GRTP1: variants seen among roughly 807,000 people sequenced by gnomAD.
GRTP1 encodes growth hormone regulated TBC protein 1.
Under a neutral mutation model 38.1 loss-of-function variants are expected in GRTP1, and 56 were observed. That is an observed-to-expected ratio of 1.47 (90% CI 1.19 to 1.84). The LOEUF is 1.84. Among genes scored for constraint, GRTP1 ranks in the 40% most tolerant of loss-of-function variants. GRTP1 has a pLI of 0.00. For missense variants in GRTP1, 506 were observed against 453.9 expected, an observed-to-expected ratio of 1.11 and a Z score of -1.04; for synonymous variants, 217 against 189.5, an observed-to-expected ratio of 1.14 and a Z score of -1.19.
chr13:113,333,844 T>TTTA (rs1566418680), intron 5 of GRTP1, among the ~76,000 whole-genome samples: 57 of 110,960 alleles, frequency 5.1e-4, no homozygotes, highest in African/African-American at 1.6e-3. Flanking sequence ...ATTTAGTGTG[T>TTTA]GTGTGTGTGT....
chr13:113,344,477 G>A (rs1304527003), intron 5 of GRTP1, among the ~76,000 whole-genome samples: 2 of 152,174 alleles, frequency 1.3e-5, no homozygotes, highest in Non-Finnish European at 2.9e-5. Flanking sequence ...ACTTTGGGAG[G>A]CCAAGGCGGG....
At chr13:113,351,528 C>T (rs1419076581) in intron 3 of GRTP1, 1 of 157,452 alleles carries the variant, frequency 6.4e-6, no homozygotes, top group African/African-American at 2.4e-5. Flanking sequence ...AGGAGGCATC[C>T]CTGCCGGCCT....
At chr13:113,355,072 C>T in intron 3 of GRTP1, 1 of 421,158 alleles carries the variant, frequency 2.4e-6, no homozygotes. Flanking sequence ...CTTCATGGAG[C>T]GCATCTGCTC....
chr13:113,362,114 A>C (rs1691774503), intron 2 of GRTP1, among the ~76,000 whole-genome samples: 1 of 152,154 alleles, frequency 6.6e-6, no homozygotes, highest in African/African-American at 2.4e-5. Flanking sequence ...ATGCCACTGC[A>C]CTCTAGCCTG....
intron 5 of GRTP1, among the ~76,000 whole-genome samples, chr13:113,344,103 C>T (rs749076960): frequency 6.6e-6 from 1 of 152,206 alleles, no homozygotes; most frequent in Non-Finnish European, 1.5e-5. Context: ...ACTTAAAAAG[C>T]AACCATGGAT....
At position 113,324,351 on chromosome 13, in the gene GRTP1, A is replaced by T. The variant is rs1037434070; in HGVS notation, c.*137T>A. The T allele has an allele frequency of 2.6e-5, 33 of 1,280,294 alleles. No individual in the cohort carries two copies. Among genetic ancestry groups the T allele is most frequent in the Non-Finnish European group, 3.1e-5 (31 of 994,282 alleles). The allele number at this position is 1,280,294 out of a possible 1,614,324, so 79.3% of individuals were successfully genotyped here. On this transcript the variant is annotated 3_prime_UTR_variant, in exon 8 of 8. Coordinates refer to ENST00000375431, the MANE Select transcript of GRTP1 (RefSeq NM_024719.4). ...TGACCTGATTTTAAACTGCTCTTTT[A>T]AAAAATTCACAACTAAAGTGTAGTG...
In GRTP1 at chr13:113,341,864, G is replaced by C. The variant is rs544017307; in HGVS notation, c.562+2999C>G. Among the ~76,000 whole-genome samples the C allele has an allele frequency of 2.6e-5, 4 of 152,238 alleles. No individual in the cohort carries two copies. In the South Asian group the frequency reaches 6.2e-4, roughly 24 times the overall value. On this transcript the variant is annotated intron_variant, in intron 5 of 7. Coordinates refer to ENST00000375431, the MANE Select transcript of GRTP1 (RefSeq NM_024719.4). ...GGAGGGGTCTCACTTTATTGCCCAG[G>C]CTGGTCTCGAACTTCTGGGCTCAAG...
chr13:113,335,074 A>G lies in GRTP1; in HGVS notation c.563-8983T>C, dbSNP rs368400919. On this transcript the variant is annotated intron_variant, in intron 5 of 7. Coordinates refer to ENST00000375431, the MANE Select transcript of GRTP1 (RefSeq NM_024719.4). ...CCTGACCTCGCGATCCGCCTGCCTC[A>G]GCCTCCCAGAGTGCTGGGATTACAG... is the stretch of plus-strand genomic sequence containing the variant. 5.8e-5 allele frequency among the ~76,000 whole-genome samples: 8 copies of G among 138,672 alleles called. No homozygotes were observed. In the East Asian group the frequency reaches 1.3e-3, roughly 23 times the overall value. The allele number at this position is 138,672 out of a possible 152,430, so 91.0% of individuals were successfully genotyped here. A position where few individuals can be genotyped will look rare whatever the true frequency, so the allele number is the denominator to read the frequency against.
At chr13:113,344,327 C>T (rs567219978) in intron 5 of GRTP1, among the ~76,000 whole-genome samples, 3 of 152,328 alleles carry the variant, frequency 2.0e-5, no homozygotes, top group East Asian at 1.9e-4. Context: ...GGCCCTCTGC[C>T]GTCCCAGGAG....
At chr13:113,363,170 G>C (rs2043529169) in intron 2 of GRTP1, among the ~76,000 whole-genome samples, 1 of 152,220 alleles carries the variant, frequency 6.6e-6, no homozygotes, top group Non-Finnish European at 1.5e-5. Context: ...AGCAGTAGGA[G>C]GCCTGGGGTC....
chr13:113,329,388 G>T (rs990028549), intron 5 of GRTP1, among the ~76,000 whole-genome samples: 1 of 152,120 alleles, frequency 6.6e-6, no homozygotes, highest in Non-Finnish European at 1.5e-5. Context: ...GACTAGCCGG[G>T]CCAACATGGT....
chr13:113,330,456 G>T (rs2042846750), intron 5 of GRTP1, among the ~76,000 whole-genome samples: 1 of 138,396 alleles, frequency 7.2e-6, no homozygotes, highest in South Asian at 2.4e-4. Context: ...GGGAGCCCGG[G>T]TGTGTGCATA....
intron 7 of GRTP1, chr13:113,325,243 C>A: frequency 8.3e-7 from 1 of 1,206,092 alleles, no homozygotes; most frequent in Non-Finnish European, 1.0e-6. Flanking sequence ...TACTGACTCC[C>A]AGGCCTGAGC....
In GRTP1 at chr13:113,343,480, G is replaced by C. The variant is rs550496506; in HGVS notation, c.562+1383C>G. 6.6e-6 allele frequency among the ~76,000 whole-genome samples: 1 copy of C among 152,322 alleles called. No individual in the cohort carries two copies. Among genetic ancestry groups the C allele is most frequent in the Admixed American group, 6.5e-5 (1 of 15,296 alleles). ...GCGCCCTTGGGTTGAGGGTGGCGCT[G>C]ATTCCTCCCTGCCCTTAATGATGCA... On this transcript the variant is annotated intron_variant, in intron 5 of 7. Transcript: ENST00000375431. This position sits in a 1 kb window ranked among gnomAD's most constrained non-coding sequence, Gnocchi z 4.8.
rs35126536 is a variant in GRTP1, at chr13:113,325,471, G to A, written c.921+190C>T. On this transcript the variant is annotated intron_variant, in intron 7 of 7. Coordinates refer to ENST00000375431, the MANE Select transcript of GRTP1 (RefSeq NM_024719.4). ...GTGCCAGGGCCAAGAAGACAGGGCC[G>A]CCATAGACAGGAAAGCCCTCGGAGG... 3.4e-3 allele frequency: 4,964 copies of A among 1,455,872 alleles called. 6 individuals carry two copies. Among genetic ancestry groups the A allele is most frequent in the Non-Finnish European group, 4.2e-3 (4,650 of 1,111,142 alleles). The allele number at this position is 1,455,872 out of a possible 1,614,324, so 90.2% of individuals were successfully genotyped here.
chr13:113,332,484 G>C (rs1468783277), intron 5 of GRTP1, among the ~76,000 whole-genome samples: 1 of 151,884 alleles, frequency 6.6e-6, no homozygotes, highest in Admixed American at 6.5e-5. Flanking sequence ...GTGTGAGGCA[G>C]AGCTGCACAC....
rs2043109670 is a variant in GRTP1 at position 113,346,078 on chromosome 13, GC to G, written c.466-1120del. On this transcript the variant is annotated intron_variant, in intron 4 of 7. Coordinates refer to ENST00000375431, the MANE Select transcript of GRTP1 (RefSeq NM_024719.4). ...GACCCGGGAGGACCTCTGCGGCTGA[GC>G]AGACCTGGGAAGACATCTGTGGCCG... 9.2e-5 allele frequency among the ~76,000 whole-genome samples: 9 copies of G among 97,896 alleles called. 1 individual carries two copies. The highest frequency in any genetic ancestry group is 1.4e-4 in the Non-Finnish European group (7 of 48,348). The allele number at this position is 97,896 out of a possible 152,430, so 64.2% of individuals were successfully genotyped here.
Position 113,354,529 on chromosome 13 carries a change from A to ATTTTTTTTTTTT in GRTP1, c.340+793_340+794insAAAAAAAAAAAA, listed in dbSNP as rs368158711. ...AAATCTATTCAATTTAGGTTAACCA[A>ATTTTTTTTTTTT]TATTTTTTTTTTTTTTGAGATGGAG... is the stretch of plus-strand genomic sequence containing the variant. On this transcript the variant is annotated intron_variant, in intron 3 of 7. Coordinates refer to ENST00000375431, the MANE Select transcript of GRTP1 (RefSeq NM_024719.4). Among the ~76,000 whole-genome samples the ATTTTTTTTTTTT allele has an allele frequency of 1.4e-5, 2 of 145,282 alleles. 1 individual carries two copies.
intron 5 of GRTP1, among the ~76,000 whole-genome samples, chr13:113,328,416 C>T (rs2042807491): frequency 6.6e-6 from 1 of 152,252 alleles, no homozygotes; most frequent in Non-Finnish European, 1.5e-5. Context: ...TGCAGATCTT[C>T]CTCTGAGAGC....
Sources: allele counts gnomAD v4.1 joint callset (sites outside exome capture counted in the v4.1 genomes callset), GRCh38; gene constraint gnomAD v4.1.1; non-coding constraint Gnocchi (gnomAD v3.1); transcripts MANE v1.5; gene names NCBI Gene and HGNC (gene_info 2026-07-23, HGNC 2026-07-21).